PCDH15: variants seen among roughly 807,000 people sequenced by gnomAD.
The protein encoded by PCDH15 is protocadherin-15.
PCDH15 carries 129 observed loss-of-function variants against 178.5 expected under a neutral mutation model. The observed-to-expected ratio is 0.72, with a 90% CI of 0.63 to 0.84. PCDH15 has a LOEUF of 0.84. PCDH15 is among the 40% of genes least tolerant of loss of function. The pLI is 0.00. For missense variants in PCDH15, 2,230 were observed against 2,099.9 expected (o/e 1.06, Z -1.21); for synonymous variants, 800 against 732.0 (o/e 1.09, Z -1.50).
chr10:54,294,460 T>C (rs1410297593), intron 8 of PCDH15, among the ~76,000 whole-genome samples: 1 of 152,100 alleles, frequency 6.6e-6, no homozygotes, highest in Non-Finnish European at 1.5e-5. Context: ...ACTTAAAGTA[T>C]AAAAACAGAA....
intron 3 of PCDH15, among the ~76,000 whole-genome samples, chr10:54,380,570 C>T (rs1257886137): frequency 8.7e-6 from 1 of 114,868 alleles, no homozygotes; most frequent in Non-Finnish European, 1.9e-5. Flanking sequence ...GGTCAACTAA[C>T]ATTAACATTA....
chr10:55,371,013 T>C (rs1367308336), intron 2 of PCDH15, among the ~76,000 whole-genome samples: 10 of 152,092 alleles, frequency 6.6e-5, no homozygotes, highest in Admixed American at 6.6e-4. Context: ...TTTACGAAAA[T>C]GAAGACAAGG....
intron 2 of PCDH15, among the ~76,000 whole-genome samples, chr10:54,609,074 C>T (rs1323466321): frequency 2.0e-5 from 3 of 152,036 alleles, no homozygotes; most frequent in Non-Finnish European, 2.9e-5. Flanking sequence ...TGAAACAAAA[C>T]GTTGACTGCA....
chr10:53,992,755 T>C (rs1001434176), intron 21 of PCDH15, among the ~76,000 whole-genome samples: 2 of 152,208 alleles, frequency 1.3e-5, no homozygotes. Context: ...TCATTCACTA[T>C]TCATGTCTCA....
At chr10:54,423,017 T>C (rs2135868644) in intron 3 of PCDH15, among the ~76,000 whole-genome samples, 1 of 152,182 alleles carries the variant, frequency 6.6e-6, no homozygotes, top group Admixed American at 6.5e-5. Context: ...AAGTATTATG[T>C]GTTTTGTTTC....
intron 2 of PCDH15, among the ~76,000 whole-genome samples, chr10:55,094,929 C>CTTTTTTTT (rs60073886): frequency 6.1e-5 from 8 of 130,382 alleles, no homozygotes; most frequent in African/African-American, 1.2e-4. Flanking sequence ...TATCCAAATT[C>CTTTTTTTT]TTTTTTTTTT....
chr10:55,308,394 C>T lies in PCDH15; in HGVS notation c.-156+11205G>A, dbSNP rs568388772. Among the ~76,000 whole-genome samples the T allele has an allele frequency of 3.9e-5, 6 of 152,186 alleles. No individual in the cohort carries two copies. In the South Asian group the frequency reaches 1.2e-3, roughly 32 times the overall value. On this transcript the variant is annotated intron_variant, in intron 1 of 5. Transcript: ENST00000458638. ...GCCAGAAACACTTTCCACTCGTATA[C>T]CTTCTGGATTGGAGACTGGCAAAGG...
intron 16 of PCDH15, among the ~76,000 whole-genome samples, chr10:54,081,465 T>C (rs2094435990): frequency 6.6e-6 from 1 of 152,060 alleles, no homozygotes; most frequent in Non-Finnish European, 1.5e-5. Flanking sequence ...GGTCTGGTGA[T>C]TATTATAGAG....
At chr10:54,496,703 A>T (rs775997959) in intron 3 of PCDH15, among the ~76,000 whole-genome samples, 1 of 152,138 alleles carries the variant, frequency 6.6e-6, no homozygotes, top group Non-Finnish European at 1.5e-5. Flanking sequence ...CGATGATAGA[A>T]ATTTAAAACT....
At chr10:54,549,230 C>T (rs2086257747) in intron 2 of PCDH15, among the ~76,000 whole-genome samples, 1 of 151,640 alleles carries the variant, frequency 6.6e-6, no homozygotes, top group South Asian at 2.1e-4. Flanking sequence ...TACACACACA[C>T]ACACACAATA....
intron 3 of PCDH15, among the ~76,000 whole-genome samples, chr10:54,441,260 GT>G (rs1565284502): frequency 6.6e-6 from 1 of 151,868 alleles, no homozygotes; most frequent in East Asian, 1.9e-4. Flanking sequence ...TTAAAAAGGT[GT>G]TTTTATTAAT....
chr10:53,959,241 A>G (rs1221452358), intron 23 of PCDH15, among the ~76,000 whole-genome samples: 3 of 140,624 alleles, frequency 2.1e-5, no homozygotes, highest in African/African-American at 5.2e-5. Flanking sequence ...ATATAAATAC[A>G]CACACTACAT....
chr10:54,559,870 AAAAAGAAAAGAAAAG>A (rs1368622188), intron 2 of PCDH15, among the ~76,000 whole-genome samples: 9 of 54,326 alleles, frequency 1.7e-4, no homozygotes, highest in Admixed American at 8.0e-4. Flanking sequence ...AAAAAAAAAA[AAAAAGAAAAGAAAAG>A]GTGGTTTGCT....
intron 7 of PCDH15, among the ~76,000 whole-genome samples, chr10:54,320,622 T>A (rs1245747416): frequency 6.6e-6 from 1 of 152,102 alleles, no homozygotes. Flanking sequence ...GCCACTTTTT[T>A]AATACTGATC....
chr10:55,477,146 C>T (rs1299780662), intron 2 of PCDH15, among the ~76,000 whole-genome samples: 1 of 151,936 alleles, frequency 6.6e-6, no homozygotes, highest in Non-Finnish European at 1.5e-5. Flanking sequence ...TCCTCCCCAA[C>T]AGATACTAAA....
chr10:55,008,493 C>T (rs1318784442), intron 2 of PCDH15, among the ~76,000 whole-genome samples: 2 of 152,152 alleles, frequency 1.3e-5, no homozygotes, highest in Non-Finnish European at 2.9e-5. Flanking sequence ...CTACACGCCT[C>T]TGTTCTCTCA....
At chr10:54,049,150 C>T (rs1166108096) in intron 18 of PCDH15, among the ~76,000 whole-genome samples, 1 of 152,096 alleles carries the variant, frequency 6.6e-6, no homozygotes. Flanking sequence ...TGTAATTGCA[C>T]ACTTGATTTG....
At chr10:54,145,240 T>G (rs2133226623) in intron 14 of PCDH15, among the ~76,000 whole-genome samples, 1 of 152,174 alleles carries the variant, frequency 6.6e-6, no homozygotes, top group African/African-American at 2.4e-5. Context: ...AGTAATGAGA[T>G]AATGTTGCTA....
rs876657952 is a variant in PCDH15 at position 54,020,252 on chromosome 10, C to T, written c.2691G>A (p.Glu897=). The change falls in exon 20 of 38, where the codon GAG becomes GAA. Residue 897 remains glutamate, a synonymous_variant. Coordinates refer to ENST00000644397, the MANE Select transcript of PCDH15 (RefSeq NM_001384140.1). ...DQEASITFLV[E]AFDIYGTMPP... ...GCATTGTTCCATAAATATCAAAGGC[C>T]TCTACCAGAAAAGTGATACTTGCTT... 3.7e-6 allele frequency: 6 copies of T among 1,613,604 alleles called. No individual in the cohort carries two copies. Among genetic ancestry groups the T allele is most frequent in the Admixed American group, 3.3e-5 (2 of 59,936 alleles).
Sources: gnomAD v4.1 joint callset for allele counts (sites outside exome capture counted in the v4.1 genomes callset) on GRCh38, gnomAD v4.1.1 for gene constraint, MANE v1.5 for transcripts, NCBI Gene and HGNC (gene_info 2026-07-23, HGNC 2026-07-21) for gene names.